LRRC66: variants seen among roughly 807,000 people sequenced by gnomAD.
LRRC66 encodes the protein leucine rich repeat containing 66.
Under a neutral mutation model 24.6 loss-of-function variants are expected in LRRC66, and 29 were observed. The observed-to-expected ratio is 1.18, with a 90% CI of 0.88 to 1.61. The LOEUF (loss-of-function observed/expected upper bound fraction) is 1.61. LRRC66 is among the 40% of genes most tolerant of loss of function. The pLI is 0.00. For synonymous variants in LRRC66, 411 were observed against 397.6 expected (o/e 1.03, Z -0.40); for missense variants, 1,124 against 1,058.0 (o/e 1.06, Z -0.87).
At chr4:52,017,072 A>G (rs1736828215) in intron 2 of LRRC66, 46 bp downstream of exon 2, 1 of 1,543,162 alleles carries the variant, frequency 6.5e-7, no homozygotes, top group Non-Finnish European at 8.7e-7. Context: ...ACATGAAACA[A>G]CTCCACGTAA....
intron 1 of LRRC66, 183 bp from the exon 2 acceptor site, chr4:52,017,801 A>G: frequency 1.0e-6 from 1 of 985,354 alleles, no homozygotes; most frequent in Non-Finnish European, 1.2e-6. Flanking sequence ...AAATAGCCAT[A>G]GTATAAAATT....
intron 1 of LRRC66, chr4:52,018,706 C>T (rs1433734249): frequency 8.1e-6 from 5 of 615,966 alleles, no homozygotes; most frequent in African/African-American, 4.0e-5. Flanking sequence ...TAGTCCAAAT[C>T]CCTCAGGTTG....
At chr4:51,998,332 T>C (rs1736371835) in intron 3 of LRRC66, among the ~76,000 whole-genome samples, 1 of 152,352 alleles carries the variant, frequency 6.6e-6, no homozygotes, top group Admixed American at 6.5e-5. Flanking sequence ...TTTCTAGAAC[T>C]ACTGCAATCT....
intron 2 of LRRC66, among the ~76,000 whole-genome samples, chr4:52,005,512 G>A (rs1352282273): frequency 6.6e-6 from 1 of 151,720 alleles, no homozygotes; most frequent in Non-Finnish European, 1.5e-5. Context: ...GCTTGAGCCC[G>A]GGAGGCAGGG....
chr4:51,998,577 C>A (rs1334907484), intron 3 of LRRC66, among the ~76,000 whole-genome samples: 1 of 152,152 alleles, frequency 6.6e-6, no homozygotes, highest in Non-Finnish European at 1.5e-5. Context: ...AATATTATCT[C>A]AAGAGTAGTA....
intron 1 of LRRC66, among the ~76,000 whole-genome samples, chr4:52,019,011 G>C (rs1480439887): frequency 6.6e-6 from 1 of 152,144 alleles, no homozygotes; most frequent in Non-Finnish European, 1.5e-5. Context: ...CGAGTAGCTG[G>C]GATTACAGGC....
At chr4:52,005,039 G>A (rs1736541722) in intron 2 of LRRC66, among the ~76,000 whole-genome samples, 1 of 152,208 alleles carries the variant, frequency 6.6e-6, no homozygotes, top group South Asian at 2.1e-4. Context: ...ATGTCTATCA[G>A]ATGATCAAGT....
Position 52,007,319 on chromosome 4 carries a change from C to T in LRRC66, c.497-3927G>A, listed in dbSNP as rs185797411. 1.7e-4 allele frequency among the ~76,000 whole-genome samples: 26 copies of T among 152,250 alleles called. No homozygotes were observed. The East Asian group carries it at 4.8e-3, about 28-fold the overall frequency. ...TCAGCCTTCAGAGTAGCTTGGACTACAGGTGTGTGCCACTATGTCTGGCTA... is the reference window on the plus strand; with the variant it reads ...TCAGCCTTCAGAGTAGCTTGGACTATAGGTGTGTGCCACTATGTCTGGCTA... On this transcript the variant is annotated intron_variant, in intron 2 of 4. Transcript: ENST00000682860.
rs949390807 is a variant in LRRC66 at position 51,995,772 on chromosome 4, TC to T, written c.1249del (p.Asp417ThrfsTer33). 4 of 1,613,994 alleles carry T rather than the reference TC, an allele frequency of 2.5e-6. No homozygotes were observed. The African/African-American group carries it at 5.3e-5, about 22-fold the overall frequency. On this transcript the variant is annotated frameshift_variant, in exon 5 of 5. Transcript: ENST00000682860. LOFTEE classifies it low-confidence loss of function (END_TRUNC). ...GAAGCCCTCGTTTGAATACGCGTTG[TC>T]CAGGCCAGGGCTTTTGCTCTGGCAC... Reference protein sequence around the residue: ...KKCQSKSPGLDNAYSNEGFYD... With the variant: ...KKCQSKSPGLXNAYSNEGFYD...
Position 51,994,590 on chromosome 4 carries a change from T to C in LRRC66, c.2432A>G (p.Asn811Ser). The C allele has an allele frequency of 6.2e-7, 1 of 1,614,210 alleles. No individual in the cohort carries two copies. Among genetic ancestry groups the C allele is most frequent in the Non-Finnish European group, 8.5e-7 (1 of 1,180,022 alleles). ...CGGAAACTCATCCCCTAAGGGACTA[T>C]TCCCTGGTGACCTGGGCCAGGGTGA... is the stretch of plus-strand genomic sequence containing the variant. Reference protein sequence around the residue: ...GLSPWPRSPGNSPLGDEFPGM... With the variant: ...GLSPWPRSPGSSPLGDEFPGM... The change falls in exon 5 of 5, where the codon AAT (asparagine) becomes AGT (serine). Residue 811 changes from asparagine to serine, a missense_variant. Coordinates refer to ENST00000682860, the MANE Select transcript of LRRC66 (RefSeq NM_001024611.3).
Position 51,995,728 on chromosome 4 carries a change from C to G in LRRC66, c.1294G>C (p.Ala432Pro), listed in dbSNP as rs200440025. The G allele has an allele frequency of 4.3e-6, 7 of 1,614,154 alleles. No homozygotes were observed. The highest frequency in any genetic ancestry group is 5.9e-6 in the Non-Finnish European group (7 of 1,180,036). Residue 432 changes from alanine (A) to proline (P), a missense_variant, in exon 5 of 5, where the codon GCG becomes CCG. Transcript: ENST00000682860. ...GTCTCTGGGTGTGGTGTGTGCCCCG[C>G]AGCTTCCATGTCATCGTAGAAGCCC... ...NEGFYDDMEA[A>P]GHTPHPETHL...
In LRRC66 at chr4:52,017,177, C is replaced by G; in HGVS notation, c.437G>C (p.Arg146Thr). Reference sequence around the variant, plus strand: ...AATGAGCACCTTCAGCAATGGAAACCTGTTTCTGAAGCTGCTTCTGTGGCG... The same window carrying G: ...AATGAGCACCTTCAGCAATGGAAACGTGTTTCTGAAGCTGCTTCTGTGGCG... ...VKRHRSSFRN[R>T]FPLLKVLILQ... The change falls in exon 2 of 5, where the codon AGG becomes ACG. Residue 146 changes from arginine to threonine, a missense_variant. By Grantham distance (71) the Arg-to-Thr change is moderately conservative. Coordinates refer to ENST00000682860, the MANE Select transcript of LRRC66 (RefSeq NM_001024611.3). The G allele has an allele frequency of 6.2e-7, 1 of 1,614,072 alleles. No homozygotes were observed. Among genetic ancestry groups the G allele is most frequent in the Non-Finnish European group, 8.5e-7 (1 of 1,179,984 alleles).
Position 51,994,316 on chromosome 4 carries a change from C to T in LRRC66, c.*63G>A. 1.4e-6 allele frequency: 2 copies of T among 1,440,294 alleles called. No individual in the cohort carries two copies. The highest frequency in any genetic ancestry group is 9.4e-7 in the Non-Finnish European group (1 of 1,068,202). 89.2% of individuals were successfully genotyped at this position (1,440,294 alleles called of 1,614,324 possible). ...TCTTGTTGTGAAGGCTTTAGTTTTC[C>T]CCTGCCATGATCTTTAAAAGAATAT... is the stretch of plus-strand genomic sequence containing the variant. On this transcript the variant is annotated 3_prime_UTR_variant, in exon 5 of 5. Transcript: ENST00000682860.
chr4:52,017,100 A>G lies in LRRC66; in HGVS notation c.496+18T>C, dbSNP rs750681219. On this transcript the variant is annotated intron_variant, in intron 2 of 4. Coordinates refer to ENST00000682860, the MANE Select transcript of LRRC66 (RefSeq NM_001024611.3). ...CCACGTAAGCATTGTTTCTCTGCCT[A>G]GTTAAAATTGTACTCACCCTTGGGA... The G allele has an allele frequency of 2.5e-6, 4 of 1,581,758 alleles. No individual in the cohort carries two copies. In the South Asian group the frequency reaches 3.5e-5, roughly 14 times the overall value.
intron 2 of LRRC66, among the ~76,000 whole-genome samples, chr4:52,009,086 A>G (rs1332645072): frequency 2.0e-5 from 3 of 152,186 alleles, no homozygotes; most frequent in African/African-American, 7.2e-5. Context: ...TGGAAATCCC[A>G]AAGCTAGAAT....
intron 2 of LRRC66, among the ~76,000 whole-genome samples, chr4:52,007,034 C>T (rs1413276036): frequency 6.6e-6 from 1 of 152,080 alleles, no homozygotes. Flanking sequence ...CCCTCAAAAC[C>T]ACAAAAGGGT....
At chr4:52,013,361 G>A (rs1351304912) in intron 2 of LRRC66, among the ~76,000 whole-genome samples, 1 of 151,968 alleles carries the variant, frequency 6.6e-6, no homozygotes, top group Non-Finnish European at 1.5e-5. Context: ...GAACTTAGTT[G>A]GTTAATGTGA....
chr4:51,994,868 T>C lies in LRRC66; in HGVS notation c.2154A>G (p.Ser718=), dbSNP rs1287503457. Residue 718 remains serine (S), a synonymous_variant, in exon 5 of 5, where the codon TCA becomes TCG. Transcript: ENST00000682860. The part of the protein sequence containing the change: ...GSLFTLSSIS[S]ESARSKTEEA... The stretch of plus-strand genomic sequence containing the variant: ...CTTCAGTCTTGCTCCTTGCACTCTC[T>C]GAACTTATGGAGCTCAGAGTGAACA... The C allele has an allele frequency of 1.9e-6, 3 of 1,614,204 alleles. No homozygotes were observed. Among genetic ancestry groups the C allele is most frequent in the Non-Finnish European group, 2.5e-6 (3 of 1,180,040 alleles).
rs1364572910 is a variant in LRRC66 at position 52,003,292 on chromosome 4, A to T, written c.597T>A (p.Asn199Lys). The T allele has an allele frequency of 1.2e-6, 2 of 1,613,874 alleles. No individual in the cohort carries two copies. Among genetic ancestry groups the T allele is most frequent in the African/African-American group, 2.7e-5 (2 of 74,938 alleles). ...ATATCTTGTTGCTCTTTAAACAGAGATTCTCCAGTTGCAGGCAGTTGTGAA... is the reference window on the plus strand; with the variant it reads ...ATATCTTGTTGCTCTTTAAACAGAGTTTCTCCAGTTGCAGGCAGTTGTGAA... The part of the protein sequence containing the change: ...SDFHNCLQLE[N>K]LCLKSNKIFK... The change falls in exon 3 of 5, where the codon AAT becomes AAA. Residue 199 changes from asparagine (N) to lysine (K), a missense_variant. Transcript: ENST00000682860.
Sources: gnomAD v4.1 joint callset for allele counts (sites outside exome capture counted in the v4.1 genomes callset) on GRCh38, gnomAD v4.1.1 for gene constraint, MANE v1.5 for transcripts, NCBI Gene and HGNC (gene_info 2026-07-23, HGNC 2026-07-21) for gene names.